RABGAP1L: variants seen among roughly 807,000 people sequenced by gnomAD.
The protein encoded by RABGAP1L is RAB GTPase activating protein 1 like.
Under a neutral mutation model 137.7 loss-of-function variants are expected in RABGAP1L, and 63 were observed. The observed-to-expected ratio is 0.46, with a 90% CI of 0.37 to 0.56. The LOEUF is 0.56. Ranked by LOEUF, RABGAP1L falls within the 20% of genes least tolerant of loss-of-function variation. The probability of loss-of-function intolerance (pLI) is 0.00; values close to 1 mark genes in which losing one functional copy is unlikely to be tolerated. For missense variants in RABGAP1L, 1,095 were observed against 1,244.0 expected, an observed-to-expected ratio of 0.88 and a Z score of 1.80; for synonymous variants, 431 against 433.7, an observed-to-expected ratio of 0.99 and a Z score of 0.08.
At chr1:174,189,156 C>T (rs1667025079) in intron 1 of RABGAP1L, among the ~76,000 whole-genome samples, 1 of 152,138 alleles carries the variant, frequency 6.6e-6, no homozygotes, top group Non-Finnish European at 1.5e-5. Flanking sequence ...CAGGCGCCTG[C>T]CACCACACCT....
chr1:174,214,445 C>G (rs1376832418), intron 1 of RABGAP1L, among the ~76,000 whole-genome samples: 1 of 151,960 alleles, frequency 6.6e-6, no homozygotes, highest in Non-Finnish European at 1.5e-5. Context: ...TAATCCATAT[C>G]AAAATAACAA....
intron 19 of RABGAP1L, among the ~76,000 whole-genome samples, chr1:174,908,638 G>A (rs949165950): frequency 6.7e-5 from 10 of 148,396 alleles, no homozygotes; most frequent in Admixed American, 1.4e-4. Flanking sequence ...TGCCTCCTGG[G>A]TTCAAGCAAT....
Position 174,994,347 on chromosome 1 carries a change from A to G in RABGAP1L, c.*4346A>G, listed in dbSNP as rs1225174404. 1.3e-5 allele frequency: 2 copies of G among 152,206 alleles called. No homozygotes were observed. The highest frequency in any genetic ancestry group is 2.9e-5 in the Non-Finnish European group (2 of 68,032). The allele number at this position is 152,206 out of a possible 1,614,324, so 9.4% of individuals were successfully genotyped here. A position where few individuals can be genotyped will look rare whatever the true frequency, so the allele number is the denominator to read the frequency against. On this transcript the variant is annotated 3_prime_UTR_variant, in exon 26 of 26. Transcript: ENST00000681986. ...TCCTTTCTCAGTTTGCATCTAAAAG[A>G]CTACATATGTCAAGCTTATCTCCAC...
intron 19 of RABGAP1L, among the ~76,000 whole-genome samples, chr1:174,955,420 T>C (rs533249634): frequency 2.2e-4 from 34 of 152,316 alleles, no homozygotes; most frequent in Admixed American, 4.6e-4. Context: ...TAGAATAAGA[T>C]GGGGAATGAC....
chr1:174,683,000 A>G (rs1325461852), intron 14 of RABGAP1L, among the ~76,000 whole-genome samples: 1 of 151,110 alleles, frequency 6.6e-6, no homozygotes, highest in Non-Finnish European at 1.5e-5. Context: ...TTCAGCCTTC[A>G]TGGAAAATGG....
chr1:174,979,260 G>A (rs1670898709), intron 23 of RABGAP1L, among the ~76,000 whole-genome samples: 1 of 152,160 alleles, frequency 6.6e-6, no homozygotes, highest in Non-Finnish European at 1.5e-5. Context: ...TGTTTTTAAA[G>A]TTTCCAGAAT....
intron 10 of RABGAP1L, among the ~76,000 whole-genome samples, chr1:174,300,297 T>C (rs1352063057): frequency 6.6e-6 from 1 of 150,764 alleles, no homozygotes; most frequent in South Asian, 2.1e-4. Context: ...AGGCCGAGGC[T>C]GGTGAATCTC....
At chr1:174,318,450 G>A (rs768031226) in intron 11 of RABGAP1L, among the ~76,000 whole-genome samples, 21 of 151,848 alleles carry the variant, frequency 1.4e-4, no homozygotes, top group Non-Finnish European at 2.9e-4. Flanking sequence ...GGGGCGTTGT[G>A]TTTTTGTTTT....
At chr1:174,905,286 A>C (rs2149173568) in intron 19 of RABGAP1L, among the ~76,000 whole-genome samples, 1 of 152,370 alleles carries the variant, frequency 6.6e-6, no homozygotes, top group African/African-American at 2.4e-5. Flanking sequence ...CAATTCAGTC[A>C]CTAGCCTTAA....
intron 19 of RABGAP1L, among the ~76,000 whole-genome samples, chr1:174,907,187 A>G (rs571590368): frequency 6.6e-6 from 1 of 152,338 alleles, no homozygotes; most frequent in East Asian, 1.9e-4. Flanking sequence ...GCCTGTTAAG[A>G]GATAGATAAT....
chr1:174,772,051 T>C (rs1447102434), intron 18 of RABGAP1L, among the ~76,000 whole-genome samples: 2 of 151,754 alleles, frequency 1.3e-5, no homozygotes, highest in African/African-American at 4.8e-5. Flanking sequence ...TACAAAAAAT[T>C]AGCCGGGCCT....
At chr1:174,283,521 T>G (rs775859422) in intron 10 of RABGAP1L, among the ~76,000 whole-genome samples, 4 of 152,100 alleles carry the variant, frequency 2.6e-5, no homozygotes, top group East Asian at 1.9e-4. Context: ...TTGTTTGTTT[T>G]TTTGAGACGG....
At chr1:174,941,019 C>G (rs1462059983) in intron 19 of RABGAP1L, among the ~76,000 whole-genome samples, 1 of 152,216 alleles carries the variant, frequency 6.6e-6, no homozygotes, top group Non-Finnish European at 1.5e-5. Flanking sequence ...GGTCATCTAG[C>G]TCCTCACCCA....
chr1:174,312,130 A>G (rs1678915635), intron 11 of RABGAP1L, among the ~76,000 whole-genome samples: 1 of 152,188 alleles, frequency 6.6e-6, no homozygotes, highest in Non-Finnish European at 1.5e-5. Flanking sequence ...TTGCTGGATC[A>G]TATGGTAGCT....
At chr1:174,710,902 G>A (rs987177742) in intron 17 of RABGAP1L, among the ~76,000 whole-genome samples, 1 of 152,252 alleles carries the variant, frequency 6.6e-6, no homozygotes, top group Non-Finnish European at 1.5e-5. Flanking sequence ...AGACCCATTG[G>A]TGTGCTGTGG....
intron 18 of RABGAP1L, among the ~76,000 whole-genome samples, chr1:174,778,783 A>T (rs1290492139): frequency 6.6e-6 from 1 of 151,822 alleles, no homozygotes; most frequent in African/African-American, 2.4e-5. Context: ...TTTAGTAGAG[A>T]TGGGGTTTCA....
At chr1:174,395,787 T>C (rs982929938) in intron 13 of RABGAP1L, among the ~76,000 whole-genome samples, 1 of 149,964 alleles carries the variant, frequency 6.7e-6, no homozygotes, top group Non-Finnish European at 1.5e-5. Flanking sequence ...AACTTGCACC[T>C]GTGACTAGCC....
chr1:174,589,577 G>T (rs1397546662), intron 13 of RABGAP1L, among the ~76,000 whole-genome samples: 3 of 152,064 alleles, frequency 2.0e-5, no homozygotes, highest in Non-Finnish European at 4.4e-5. Flanking sequence ...TCTTGTGTTA[G>T]TTTCATAGTT....
chr1:174,159,895 CGGGCGGGGTCGGCGCCCTTACCTGGGGGT>C (rs1187492909), intron 1 of RABGAP1L: 1 of 152,278 alleles, frequency 6.6e-6, no homozygotes, highest in Non-Finnish European at 1.5e-5. Context: ...GCGGATAGGG[CGGGCGGGGTCGGCGCCCTTACCTGGGGGT>C]GGGGTAGTGG....
Sources: gnomAD v4.1 joint callset for allele counts (sites outside exome capture counted in the v4.1 genomes callset) on GRCh38, gnomAD v4.1.1 for gene constraint, MANE v1.5 for transcripts, NCBI Gene and HGNC (gene_info 2026-07-23, HGNC 2026-07-21) for gene names.